The following LARP4B variants were observed in gnomAD, a reference collection of about 807,000 sequenced individuals.
The protein encoded by LARP4B is La ribonucleoprotein 4B.
A neutral mutation model predicts 89.8 loss-of-function variants in LARP4B; 12 were observed. That is an observed-to-expected ratio of 0.13 (90% CI 0.09 to 0.22). The LOEUF is 0.22. Among genes scored for constraint, LARP4B ranks in the 10% least tolerant of loss-of-function variants. The pLI is 1.00. For missense variants in LARP4B, 757 were observed against 947.7 expected, an observed-to-expected ratio of 0.80 and a Z score of 2.64; for synonymous variants, 367 against 363.3, an observed-to-expected ratio of 1.01 and a Z score of -0.12.
the LARP4B span, among the ~76,000 whole-genome samples, chr10:938,067 G>T: frequency 1.1e-4 from 17 of 150,510 alleles, no homozygotes; most frequent in Admixed American, 1.1e-3. Flanking sequence ...TGTATTTTTA[G>T]TAGACAGGGT....
chr10:891,144 CA>C (rs527982203), intron 1 of LARP4B, among the ~76,000 whole-genome samples: 2,148 of 139,574 alleles, frequency 0.015, 15 homozygotes, highest in Non-Finnish European at 0.023. Flanking sequence ...AGTGGTCTTG[CA>C]AAAAAAAAAA....
the LARP4B span, among the ~76,000 whole-genome samples, chr10:973,445 G>A: frequency 1.3e-5 from 2 of 151,866 alleles, no homozygotes; most frequent in East Asian, 1.9e-4. Flanking sequence ...TCTGCCTCCC[G>A]GGGTCACACC....
chr10:834,563 T>C lies in LARP4B; in HGVS notation c.750+1840A>G, dbSNP rs572521340. Among the ~76,000 whole-genome samples the C allele has an allele frequency of 2.6e-5, 4 of 152,352 alleles. No individual in the cohort carries two copies. In the South Asian group the frequency reaches 8.3e-4, roughly 32 times the overall value. On this transcript the variant is annotated intron_variant, in intron 8 of 17. Transcript: ENST00000316157. ...CAGAGTCCTTGGGAACTTATGTTCT[T>C]ACGTGGATTGTTTTAGGCTACTTAT...
At chr10:927,877 T>G (rs1837188941) in intron 1 of LARP4B, among the ~76,000 whole-genome samples, 1 of 152,206 alleles carries the variant, frequency 6.6e-6, no homozygotes, top group South Asian at 2.1e-4. Context: ...TCTGACAGAA[T>G]CTATAAGAGT....
the LARP4B span, among the ~76,000 whole-genome samples, chr10:984,887 A>C: frequency 6.6e-5 from 10 of 152,192 alleles, no homozygotes; most frequent in South Asian, 6.2e-4. Context: ...AGCCAAGATC[A>C]CACCATTGCA....
At chr10:820,432 T>G (rs1232835748) in intron 14 of LARP4B, 1 of 202,156 alleles carries the variant, frequency 4.9e-6, no homozygotes, top group African/African-American at 2.3e-5. Context: ...CTTACTCTGC[T>G]CATTGAAATG....
At chr10:834,188 G>A (rs777968332) in intron 8 of LARP4B, among the ~76,000 whole-genome samples, 1 of 152,078 alleles carries the variant, frequency 6.6e-6, no homozygotes, top group African/African-American at 2.4e-5. Context: ...CTACAAAAAC[G>A]GTTTCCAGGG....
At chr10:809,199 G>T (rs141893379), downstream of LARP4B, 1 of 152,320 alleles carries the variant, frequency 6.6e-6, no homozygotes, top group East Asian at 1.9e-4. Flanking sequence ...CCCAACGTTA[G>T]CTCCAAACAG....
intron 1 of LARP4B, among the ~76,000 whole-genome samples, chr10:916,880 C>T (rs1247586515): frequency 3.9e-5 from 6 of 151,932 alleles, no homozygotes; most frequent in Admixed American, 3.9e-4. Context: ...TATTTTTTGT[C>T]GAGATGGGGG....
At chr10:841,866 C>A (rs759024141) in intron 7 of LARP4B, among the ~76,000 whole-genome samples, 53 of 152,024 alleles carry the variant, frequency 3.5e-4, no homozygotes, top group Non-Finnish European at 6.2e-4. Context: ...TGTCTAAAAA[C>A]AGAAAAACAT....
At chr10:849,706 A>T (rs1226439406) in intron 5 of LARP4B, among the ~76,000 whole-genome samples, 1 of 152,236 alleles carries the variant, frequency 6.6e-6, no homozygotes, top group Non-Finnish European at 1.5e-5. Context: ...CCCAGTAAAC[A>T]GCCAGGTGAT....
At chr10:831,316 A>C (rs1393956198) in intron 8 of LARP4B, among the ~76,000 whole-genome samples, 1 of 151,924 alleles carries the variant, frequency 6.6e-6, no homozygotes, top group Non-Finnish European at 1.5e-5. Flanking sequence ...TTTAAGAAAA[A>C]AAATTTGCTT....
At chr10:856,330 T>A (rs535463081) in intron 5 of LARP4B, among the ~76,000 whole-genome samples, 1 of 152,138 alleles carries the variant, frequency 6.6e-6, no homozygotes, top group South Asian at 2.1e-4. Flanking sequence ...AAATAAGATA[T>A]ATGCATTACA....
chr10:980,637 C>A, the LARP4B span, among the ~76,000 whole-genome samples: 5 of 152,330 alleles, frequency 3.3e-5, no homozygotes, highest in South Asian at 1.0e-3. Context: ...AGCTAAGCAG[C>A]TGAAATGTGG....
At chr10:841,147 C>T (rs1171440834) in intron 7 of LARP4B, among the ~76,000 whole-genome samples, 1 of 152,034 alleles carries the variant, frequency 6.6e-6, no homozygotes, top group African/African-American at 2.4e-5. Flanking sequence ...AGTGAGATTC[C>T]ATCTCAAAAA....
At chr10:859,559 G>C (rs986905631) in intron 5 of LARP4B, among the ~76,000 whole-genome samples, 1 of 152,114 alleles carries the variant, frequency 6.6e-6, no homozygotes, top group Non-Finnish European at 1.5e-5. Flanking sequence ...ACTTCCTTCC[G>C]TACAAAAACC....
At chr10:987,269 G>A in the LARP4B span, 1 of 152,230 alleles carries the variant, frequency 6.6e-6, no homozygotes, top group Non-Finnish European at 1.5e-5. Flanking sequence ...CACAAAAATG[G>A]AAGCATAGTT....
At chr10:918,632 C>CAAAAAA (rs57396015) in intron 1 of LARP4B, among the ~76,000 whole-genome samples, 1 of 48,364 alleles carries the variant, frequency 2.1e-5, no homozygotes, top group African/African-American at 7.6e-5. Flanking sequence ...GACCCTGTCT[C>CAAAAAA]AAAAAAAAAA....
At chr10:885,826 T>A in intron 1 of LARP4B, 66 bp from the exon 2 acceptor site, 1 of 812,448 alleles carries the variant, frequency 1.2e-6, no homozygotes, top group Non-Finnish European at 1.9e-6. Flanking sequence ...TAAATAAAAT[T>A]AAAATCCTCA....
Sources: gnomAD v4.1 joint callset for allele counts (sites outside exome capture counted in the v4.1 genomes callset) on GRCh38, gnomAD v4.1.1 for gene constraint, MANE v1.5 for transcripts, NCBI Gene and HGNC (gene_info 2026-07-23, HGNC 2026-07-21) for gene names.